ARB2A: variants seen among roughly 807,000 people sequenced by gnomAD.
ARB2A encodes cotranscriptional regulator ARB2A.
the ARB2A span, among the ~76,000 whole-genome samples, chr5:93,928,394 C>T: frequency 5.9e-5 from 9 of 152,232 alleles, no homozygotes; most frequent in East Asian, 1.7e-3. Flanking sequence ...TTTATTCCTA[C>T]TACTTACTCT....
the ARB2A span, among the ~76,000 whole-genome samples, chr5:93,742,549 T>C: frequency 2.0e-5 from 3 of 152,208 alleles, no homozygotes; most frequent in African/African-American, 7.2e-5. Context: ...AGAGAGGCTC[T>C]GACCTCAGTT....
chr5:93,925,852 A>C, the ARB2A span, among the ~76,000 whole-genome samples: 1 of 152,120 alleles, frequency 6.6e-6, no homozygotes, highest in Admixed American at 6.6e-5. Flanking sequence ...GAAGAGGTCT[A>C]TTTCACTAAT....
At chr5:93,980,163 T>C in the ARB2A span, among the ~76,000 whole-genome samples, 1 of 152,150 alleles carries the variant, frequency 6.6e-6, no homozygotes, top group Non-Finnish European at 1.5e-5. Context: ...TCAGTTTGCT[T>C]CTTTGGTAGC....
the ARB2A span, among the ~76,000 whole-genome samples, chr5:93,753,252 A>G: frequency 6.6e-6 from 1 of 152,226 alleles, no homozygotes; most frequent in Non-Finnish European, 1.5e-5. Flanking sequence ...TTTCATTGCT[A>G]TCTTTAGAAG....
the ARB2A span, among the ~76,000 whole-genome samples, chr5:93,751,089 G>T: frequency 6.6e-6 from 1 of 151,586 alleles, no homozygotes; most frequent in African/African-American, 2.4e-5. Context: ...TCCTTAAAAA[G>T]TCTCATTTAT....
chr5:94,053,256 T>C, the ARB2A span: 2 of 1,150,206 alleles, frequency 1.7e-6, no homozygotes, highest in South Asian at 3.0e-5. Context: ...GAAATTTACT[T>C]ATATTCATTT....
the ARB2A span, among the ~76,000 whole-genome samples, chr5:93,873,008 A>G: frequency 5.3e-5 from 8 of 152,292 alleles, no homozygotes; most frequent in African/African-American, 1.9e-4. Context: ...TCAGTATAAT[A>G]TTCAAGAGTT....
At chr5:93,700,461 T>C in the ARB2A span, among the ~76,000 whole-genome samples, 1 of 151,996 alleles carries the variant, frequency 6.6e-6, no homozygotes, top group Admixed American at 6.6e-5. Context: ...GTAATGGTAG[T>C]TATAATGATA....
the ARB2A span, among the ~76,000 whole-genome samples, chr5:94,008,765 A>T: frequency 6.6e-6 from 1 of 152,186 alleles, no homozygotes; most frequent in South Asian, 2.1e-4. Context: ...TATTTGGAGC[A>T]TATTGGTCCT....
At chr5:93,843,286 C>T in the ARB2A span, among the ~76,000 whole-genome samples, 1 of 151,760 alleles carries the variant, frequency 6.6e-6, no homozygotes. Flanking sequence ...CCTATAAATA[C>T]AAAATATAGA....
chr5:93,683,388 T>C, the ARB2A span: 1 of 1,602,934 alleles, frequency 6.2e-7, no homozygotes, highest in Admixed American at 1.7e-5. Context: ...TGTCCACTAA[T>C]ATGCACTGGC....
the ARB2A span, among the ~76,000 whole-genome samples, chr5:93,647,375 C>T: frequency 9.9e-5 from 15 of 152,218 alleles, no homozygotes; most frequent in African/African-American, 2.9e-4. Flanking sequence ...TACAGGCACT[C>T]GCCACCACAC....
At chr5:93,659,597 G>A in the ARB2A span, among the ~76,000 whole-genome samples, 2 of 152,106 alleles carry the variant, frequency 1.3e-5, no homozygotes, top group South Asian at 4.1e-4. Context: ...AAGAAGCAAA[G>A]AAGCCAAATA....
the ARB2A span, among the ~76,000 whole-genome samples, chr5:93,886,658 C>A: frequency 6.6e-6 from 1 of 151,638 alleles, no homozygotes; most frequent in Non-Finnish European, 1.5e-5. Flanking sequence ...ACTAGTGAAG[C>A]GTTAAAGTAA....
the ARB2A span, among the ~76,000 whole-genome samples, chr5:94,042,314 CTT>C: frequency 3.2e-4 from 33 of 103,042 alleles, no homozygotes; most frequent in African/African-American, 7.0e-4. Flanking sequence ...AAAAGATCAG[CTT>C]TTTTTTTTTT....
chr5:93,984,105 T>C, the ARB2A span, among the ~76,000 whole-genome samples: 1 of 152,106 alleles, frequency 6.6e-6, no homozygotes, highest in Non-Finnish European at 1.5e-5. Context: ...CTGATAATTA[T>C]AAAGAGAATG....
the ARB2A span, among the ~76,000 whole-genome samples, chr5:93,669,489 A>T: frequency 1.3e-5 from 2 of 152,222 alleles, no homozygotes; most frequent in African/African-American, 2.4e-5. Context: ...TCAGCCATTT[A>T]AAAAAAGTAT....
chr5:94,104,349 A>T, the ARB2A span, among the ~76,000 whole-genome samples: 1 of 151,764 alleles, frequency 6.6e-6, no homozygotes, highest in South Asian at 2.1e-4. Flanking sequence ...GAAATAAAAA[A>T]AAAAAACTCT....
At chr5:94,029,886 C>T in the ARB2A span, among the ~76,000 whole-genome samples, 1 of 152,306 alleles carries the variant, frequency 6.6e-6, no homozygotes, top group Non-Finnish European at 1.5e-5. Flanking sequence ...AGACTGGATA[C>T]TTTATAAAGG....
Sources: gnomAD v4.1 joint callset for allele counts (sites outside exome capture counted in the v4.1 genomes callset) on GRCh38, gnomAD v4.1.1 for gene constraint, MANE v1.5 for transcripts, NCBI Gene and HGNC (gene_info 2026-07-23, HGNC 2026-07-21) for gene names.